The following RGS3 variants were observed in gnomAD, a reference collection of about 807,000 sequenced individuals.
RGS3 encodes regulator of G-protein signalling 3.
RGS3 carries 80 observed loss-of-function variants against 132.6 expected under a neutral mutation model. The ratio of observed to expected loss-of-function variants is 0.60; its 90% CI spans 0.50 to 0.73. The LOEUF (loss-of-function observed/expected upper bound fraction) is 0.73, where lower values mean the gene tolerates loss of function less well. RGS3 is among the 30% of genes least tolerant of loss of function. The pLI, the probability that RGS3 is intolerant of heterozygous loss-of-function variation, is 0.00. For synonymous variants in RGS3, 598 were observed against 620.6 expected (o/e 0.96, Z 0.54); for missense variants, 1,382 against 1,530.8 (o/e 0.90, Z 1.62).
intron 22 of RGS3, 95 bp downstream of exon 20, chr9:113,594,626 C>T (rs915896433): frequency 1.1e-5 from 11 of 1,039,938 alleles, no homozygotes; most frequent in East Asian, 7.4e-5. Context: ...AGGGGCTTGC[C>T]GGCTTGATCC....
chr9:113,561,093 G>A lies in RGS3; in HGVS notation c.2038-22357G>A, dbSNP rs535344298. On this transcript the variant is annotated intron_variant, in intron 19 of 24. Coordinates refer to ENST00000350696, the Ensembl canonical transcript of RGS3. ...GGCTGGAGTGCAGTGATGTGATCTC[G>A]GCTCACTGCAATCTTCACCTCCCAG... 2.7e-4 allele frequency among the ~76,000 whole-genome samples: 41 copies of A among 151,912 alleles called. No individual in the cohort carries two copies. The South Asian group carries it at 8.4e-3, about 31-fold the overall frequency.
intron 19 of RGS3, chr9:113,581,904 C>A: frequency 2.7e-6 from 1 of 371,438 alleles, no homozygotes; most frequent in Non-Finnish European, 3.7e-6. Context: ...TAGCCTAAGG[C>A]GTGCCCTTCC....
intron 3 of RGS3, among the ~76,000 whole-genome samples, chr9:113,474,634 G>T (rs1334185511): frequency 6.6e-6 from 1 of 152,172 alleles, no homozygotes; most frequent in East Asian, 1.9e-4. Flanking sequence ...GTGGATGTTA[G>T]CGGCTGGCTA....
At chr9:113,593,780 G>T (rs1835569931) in intron 21 of RGS3, 15 of 792,668 alleles carry the variant, frequency 1.9e-5, no homozygotes, top group Non-Finnish European at 3.1e-5. Flanking sequence ...TTGGGGACCG[G>T]CAAGGCTAAA....
At chr9:113,514,405 A>G (rs979766665) in intron 14 of RGS3, 53 bp from the exon 13 acceptor site, 18 of 1,509,220 alleles carry the variant, frequency 1.2e-5, no homozygotes, top group Non-Finnish European at 1.6e-5. Flanking sequence ...CAGAGGGGAC[A>G]CCTTTGCAGG....
At chr9:113,569,066 C>T (rs113640701) in intron 19 of RGS3, among the ~76,000 whole-genome samples, 1 of 152,372 alleles carries the variant, frequency 6.6e-6, no homozygotes, top group South Asian at 2.1e-4. Context: ...GGCTTCTCCC[C>T]TCTCCCTGCC....
At chr9:113,561,210 A>G (rs961091871) in intron 19 of RGS3, among the ~76,000 whole-genome samples, 2 of 150,164 alleles carry the variant, frequency 1.3e-5, no homozygotes, top group Non-Finnish European at 3.0e-5. Flanking sequence ...TTTTTAGTAG[A>G]GACGAGGTTT....
intron 19 of RGS3, chr9:113,541,490 CA>C: frequency 1.3e-6 from 2 of 1,586,880 alleles, no homozygotes; most frequent in Non-Finnish European, 1.7e-6. Context: ...TCCCCTACCA[CA>C]CAGTAACCTC....
At chr9:113,476,290 T>C (rs141460810) in intron 3 of RGS3, among the ~76,000 whole-genome samples, 67 of 152,038 alleles carry the variant, frequency 4.4e-4, no homozygotes, top group African/African-American at 1.6e-3. Flanking sequence ...AGAGTTCTAA[T>C]CTCCAGCTCT....
intron 1 of RGS3, among the ~76,000 whole-genome samples, chr9:113,447,132 C>T (rs1829118786): frequency 1.3e-5 from 2 of 150,382 alleles, no homozygotes; most frequent in African/African-American, 2.4e-5. Context: ...TGTGGTGGCA[C>T]GTGCCTGTAG....
At chr9:113,540,143 A>T (rs1359879041) in intron 19 of RGS3, among the ~76,000 whole-genome samples, 1 of 151,836 alleles carries the variant, frequency 6.6e-6, no homozygotes, top group African/African-American at 2.4e-5. Context: ...TTGCTTCATT[A>T]TCTGTAGCTG....
At chr9:113,488,561 G>A (rs1451941863) in intron 7 of RGS3, among the ~76,000 whole-genome samples, 2 of 152,210 alleles carry the variant, frequency 1.3e-5, no homozygotes, top group Admixed American at 6.5e-5. Context: ...TTTGGGTGGA[G>A]GCAGACACCA....
At chr9:113,547,732 G>C (rs1833174259) in intron 19 of RGS3, among the ~76,000 whole-genome samples, 1 of 152,196 alleles carries the variant, frequency 6.6e-6, no homozygotes, top group Non-Finnish European at 1.5e-5. Flanking sequence ...TTTCATTTCT[G>C]GTGTGGTCAG....
At chr9:113,464,758 T>C (rs1413644340) in intron 3 of RGS3, among the ~76,000 whole-genome samples, 1 of 152,230 alleles carries the variant, frequency 6.6e-6, no homozygotes, top group African/African-American at 2.4e-5. Context: ...GCATACAATT[T>C]CCTTCTAAAG....
At chr9:113,533,745 C>T (rs1832567259) in intron 18 of RGS3, among the ~76,000 whole-genome samples, 1 of 152,164 alleles carries the variant, frequency 6.6e-6, no homozygotes, top group Non-Finnish European at 1.5e-5. Context: ...TGGAAGGGAC[C>T]ACAGTTCCTG....
chr9:113,583,377 C>G (rs759436086), intron 19 of RGS3, 73 bp from the exon 18 acceptor site: 14 of 1,544,802 alleles, frequency 9.1e-6, no homozygotes, highest in Middle Eastern at 1.8e-4. Context: ...GATTTCATGT[C>G]AGCTCATGCA....
At chr9:113,560,181 G>A (rs1259471336) in intron 19 of RGS3, among the ~76,000 whole-genome samples, 1 of 152,206 alleles carries the variant, frequency 6.6e-6, no homozygotes, top group African/African-American at 2.4e-5. Context: ...GACTGTCCAT[G>A]GGAGGGGAGG....
intron 17 of RGS3, among the ~76,000 whole-genome samples, chr9:113,525,859 A>G (rs557651094): frequency 1.3e-5 from 2 of 152,308 alleles, no homozygotes; most frequent in African/African-American, 4.8e-5. Context: ...GACTAAAAGG[A>G]GAGCAGAAGT....
chr9:113,501,886 T>C (rs1212695132), intron 10 of RGS3, among the ~76,000 whole-genome samples: 1 of 152,160 alleles, frequency 6.6e-6, no homozygotes, highest in East Asian at 1.9e-4. Context: ...TTCTGTTCTT[T>C]TTATCTGGGG....
Sources: allele counts gnomAD v4.1 joint callset (sites outside exome capture counted in the v4.1 genomes callset), GRCh38; gene constraint gnomAD v4.1.1; transcripts MANE v1.5; gene names NCBI Gene and HGNC (gene_info 2026-07-23, HGNC 2026-07-21).